KLF3: variants seen among roughly 807,000 people sequenced by gnomAD.
The protein encoded by KLF3 is Krueppel-like factor 3.
In KLF3, 6 loss-of-function variants were observed where a neutral mutation model predicts 32.7. The ratio of observed to expected loss-of-function variants is 0.18; its 90% CI spans 0.10 to 0.36. The LOEUF is 0.36. Among genes scored for constraint, KLF3 ranks in the 10% least tolerant of loss-of-function variants. KLF3 has a pLI of 1.00. For synonymous variants in KLF3, 145 were observed against 172.8 expected (o/e 0.84, Z 1.26); for missense variants, 338 against 449.7 (o/e 0.75, Z 2.25).
At chr4:38,687,282 A>G (rs1051650304) in intron 2 of KLF3, among the ~76,000 whole-genome samples, 1 of 152,204 alleles carries the variant, frequency 6.6e-6, no homozygotes, top group African/African-American at 2.4e-5. Context: ...GTTTCCCTAA[A>G]ATGCCTAGTA....
At chr4:38,691,278 T>C (rs1470418875) in intron 4 of KLF3, among the ~76,000 whole-genome samples, 1 of 152,248 alleles carries the variant, frequency 6.6e-6, no homozygotes, top group Non-Finnish European at 1.5e-5. Flanking sequence ...TTTCCTGCCA[T>C]CTTGTCATAT....
chr4:38,695,546 T>C (rs188138510), intron 5 of KLF3, among the ~76,000 whole-genome samples: 2 of 152,310 alleles, frequency 1.3e-5, no homozygotes, highest in Admixed American at 6.5e-5. Flanking sequence ...CCAAACATTT[T>C]GGTAGTAAAA....
intron 1 of KLF3, among the ~76,000 whole-genome samples, chr4:38,679,976 A>G (rs1722469602): frequency 6.6e-6 from 1 of 152,154 alleles, no homozygotes; most frequent in Non-Finnish European, 1.5e-5. Flanking sequence ...CGGCAATCCC[A>G]AGCAAGCTTT....
At chr4:38,678,669 T>C (rs918429500) in intron 1 of KLF3, among the ~76,000 whole-genome samples, 1 of 152,190 alleles carries the variant, frequency 6.6e-6, no homozygotes, top group African/African-American at 2.4e-5. Flanking sequence ...TATCTTAGTA[T>C]AACCCGTAGA....
intron 4 of KLF3, 21 bp downstream of exon 4, chr4:38,689,900 C>G (rs938772534): frequency 6.6e-7 from 1 of 1,524,222 alleles, no homozygotes; most frequent in African/African-American, 1.4e-5. Context: ...TTAGGTCTAC[C>G]CAGCATTTGC....
chr4:38,697,806 A>G lies in KLF3; in HGVS notation c.*543A>G, dbSNP rs555012230. 2 of 152,334 alleles carry G rather than the reference A, an allele frequency of 1.3e-5. No homozygotes were observed. Among genetic ancestry groups the G allele is most frequent in the South Asian group, 4.1e-4 (2 of 4,824 alleles). 9.4% of individuals were successfully genotyped at this position (152,334 alleles called of 1,614,324 possible). The stretch of plus-strand genomic sequence containing the variant: ...CCGTCATTCTTCACAAATCTTGTCA[A>G]CCTGGATCTTAGACTTCATCTGAAT... On this transcript the variant is annotated 3_prime_UTR_variant, in exon 6 of 6. Transcript: ENST00000261438.
intron 1 of KLF3, among the ~76,000 whole-genome samples, chr4:38,667,795 G>A (rs996380733): frequency 6.6e-5 from 10 of 152,196 alleles, no homozygotes; most frequent in African/African-American, 2.2e-4. Flanking sequence ...GCTGCTCCAG[G>A]TGGCTTCCGT....
At chr4:38,683,968 G>T (rs575114647) in intron 2 of KLF3, among the ~76,000 whole-genome samples, 43 of 152,286 alleles carry the variant, frequency 2.8e-4, no homozygotes, top group African/African-American at 1.0e-3. Flanking sequence ...TCTTCCCAGA[G>T]TGTGTGTTTA....
chr4:38,684,983 A>G (rs1322506586), intron 2 of KLF3, among the ~76,000 whole-genome samples: 1 of 152,204 alleles, frequency 6.6e-6, no homozygotes, highest in African/African-American at 2.4e-5. Context: ...ACTAAGCAGC[A>G]TGCACAGAGG....
intron 4 of KLF3, 184 bp downstream of exon 4, chr4:38,690,063 G>T (rs2109253192): frequency 4.2e-6 from 2 of 479,832 alleles, no homozygotes; most frequent in Non-Finnish European, 3.6e-6. Context: ...ACAATATGCT[G>T]TTACACTGAC....
Sources: allele counts gnomAD v4.1 joint callset (sites outside exome capture counted in the v4.1 genomes callset), GRCh38; gene constraint gnomAD v4.1.1; transcripts MANE v1.5; gene names NCBI Gene and HGNC (gene_info 2026-07-23, HGNC 2026-07-21).